Variants in GRIK1 observed in about 807,000 individuals in gnomAD.
GRIK1 encodes glutamate ionotropic receptor kainate type subunit 1.
GRIK1 carries 69 observed loss-of-function variants against 105.7 expected under a neutral mutation model. The ratio of observed to expected loss-of-function variants is 0.65; its 90% confidence interval spans 0.54 to 0.80. The LOEUF is 0.80. Ranked by LOEUF, GRIK1 falls within the 30% of genes least tolerant of loss-of-function variation. The probability of loss-of-function intolerance (pLI) is 0.00; values close to 1 mark genes in which losing one functional copy is unlikely to be tolerated. For missense variants in GRIK1, 1,109 were observed against 1,167.3 expected (o/e 0.95, Z 0.73); for synonymous variants, 438 against 431.3 (o/e 1.02, Z -0.19).
At chr21:29,634,297 A>G (rs75473601) in intron 7 of GRIK1, among the ~76,000 whole-genome samples, 4,778 of 152,342 alleles carry the variant, frequency 0.031, 75 homozygotes, top group East Asian at 0.058. Flanking sequence ...TCAAAATAGA[A>G]CCATAAATTA....
At chr21:29,758,091 G>A (rs17773232) in intron 1 of GRIK1, among the ~76,000 whole-genome samples, 5,192 of 152,294 alleles carry the variant, frequency 0.034, 137 homozygotes, top group Non-Finnish European at 0.048. Flanking sequence ...TTCAGCTACT[G>A]GAGCCACATT....
At chr21:29,876,443 T>C (rs2069194578) in intron 1 of GRIK1, among the ~76,000 whole-genome samples, 1 of 152,192 alleles carries the variant, frequency 6.6e-6, no homozygotes, top group Non-Finnish European at 1.5e-5. Flanking sequence ...TTATCTTGAT[T>C]CCACAGATGC....
intron 1 of GRIK1, among the ~76,000 whole-genome samples, chr21:29,935,770 A>G (rs1298875562): frequency 6.6e-6 from 1 of 151,446 alleles, no homozygotes; most frequent in Non-Finnish European, 1.5e-5. Context: ...AATTACAGAA[A>G]TTAGTGTATT....
intron 2 of GRIK1, 35 bp downstream of exon 2, chr21:29,693,861 C>G: frequency 1.3e-6 from 2 of 1,534,916 alleles, no homozygotes; most frequent in South Asian, 1.1e-5. Flanking sequence ...AGACATATCA[C>G]CCAAAGAAGC....
At chr21:29,755,798 T>A (rs533546541) in intron 1 of GRIK1, among the ~76,000 whole-genome samples, 1 of 152,082 alleles carries the variant, frequency 6.6e-6, no homozygotes, top group South Asian at 2.1e-4. Context: ...AACGTCTTGG[T>A]CTTCTGGTCT....
chr21:29,569,520 A>G (rs1363834291), intron 14 of GRIK1, among the ~76,000 whole-genome samples: 3 of 152,192 alleles, frequency 2.0e-5, no homozygotes, highest in African/African-American at 7.2e-5. Flanking sequence ...TGTAGGTTTT[A>G]CTTTATATCC....
intron 1 of GRIK1, among the ~76,000 whole-genome samples, chr21:29,847,409 C>T (rs2068156644): frequency 6.6e-6 from 1 of 152,174 alleles, no homozygotes; most frequent in Non-Finnish European, 1.5e-5. Flanking sequence ...TCCTGGCCAA[C>T]ATGGTGAAAC....
At chr21:29,542,032 AGTGT>A (rs66476053) in intron 16 of GRIK1, among the ~76,000 whole-genome samples, 89,118 of 150,484 alleles carry the variant, frequency 0.59, 28,336 homozygotes, top group Middle Eastern at 0.73. Context: ...AATAATGTAG[AGTGT>A]GTGTGTGTGT....
At chr21:29,584,256 A>G (rs1401677064) in intron 12 of GRIK1, among the ~76,000 whole-genome samples, 1 of 152,184 alleles carries the variant, frequency 6.6e-6, no homozygotes, top group Non-Finnish European at 1.5e-5. Context: ...CTTGTAATAT[A>G]ATGGTGGGGT....
intron 1 of GRIK1, among the ~76,000 whole-genome samples, chr21:29,733,305 T>A (rs572921292): frequency 1.3e-5 from 2 of 152,270 alleles, no homozygotes; most frequent in South Asian, 4.1e-4. Context: ...GATATTAGAA[T>A]GTATACCAAT....
At chr21:29,916,021 T>C (rs1032940274) in intron 1 of GRIK1, among the ~76,000 whole-genome samples, 1 of 152,006 alleles carries the variant, frequency 6.6e-6, no homozygotes, top group African/African-American at 2.4e-5. Context: ...AAAACTACTC[T>C]GTAAAAGGCC....
chr21:29,691,350 T>C (rs2063581491), intron 2 of GRIK1, among the ~76,000 whole-genome samples: 1 of 152,186 alleles, frequency 6.6e-6, no homozygotes, highest in African/African-American at 2.4e-5. Flanking sequence ...ACATTTAAGC[T>C]GCTCCTAATT....
intron 7 of GRIK1, among the ~76,000 whole-genome samples, chr21:29,617,790 C>T (rs1478726834): frequency 6.6e-6 from 1 of 152,220 alleles, no homozygotes; most frequent in Non-Finnish European, 1.5e-5. Flanking sequence ...TAATGCATTT[C>T]AGGCCAAACG....
intron 1 of GRIK1, among the ~76,000 whole-genome samples, chr21:29,911,979 A>G (rs1374734825): frequency 1.3e-5 from 2 of 152,078 alleles, no homozygotes; most frequent in Non-Finnish European, 2.9e-5. Context: ...CTCTTTGATA[A>G]CACTGAAGTA....
chr21:29,659,332 A>G (rs555178104), intron 4 of GRIK1, among the ~76,000 whole-genome samples: 1 of 152,342 alleles, frequency 6.6e-6, no homozygotes, highest in Admixed American at 6.5e-5. Context: ...AATGAAAAAA[A>G]GTTTCCAACA....
At chr21:29,923,353 G>C (rs1179463452) in intron 1 of GRIK1, among the ~76,000 whole-genome samples, 1 of 152,160 alleles carries the variant, frequency 6.6e-6, no homozygotes, top group East Asian at 1.9e-4. Context: ...GTTTGAAAGA[G>C]AGAAAACTAG....
At chr21:29,760,116 G>A (rs191371929) in intron 1 of GRIK1, 8 of 152,320 alleles carry the variant, frequency 5.3e-5, no homozygotes, top group Admixed American at 5.2e-4. Flanking sequence ...TGGGAGATTT[G>A]AATCCGGTTT....
chr21:29,914,369 G>A (rs193213802), intron 1 of GRIK1, among the ~76,000 whole-genome samples: 2 of 152,170 alleles, frequency 1.3e-5, no homozygotes, highest in African/African-American at 4.8e-5. Context: ...GGACTTCCGA[G>A]AAAGCTCCCG....
intron 7 of GRIK1, among the ~76,000 whole-genome samples, chr21:29,640,009 AT>A (rs1441286587): frequency 6.6e-6 from 1 of 152,166 alleles, no homozygotes; most frequent in Non-Finnish European, 1.5e-5. Context: ...GTTATCAGAA[AT>A]TACCGCACAT....
Sources: allele counts gnomAD v4.1 joint callset (sites outside exome capture counted in the v4.1 genomes callset), GRCh38; gene constraint gnomAD v4.1.1; transcripts MANE v1.5; gene names NCBI Gene and HGNC (gene_info 2026-07-23, HGNC 2026-07-21).